Variants in ITSN1 observed in about 807,000 individuals in gnomAD.
The protein encoded by ITSN1 is intersectin 1.
Under a neutral mutation model 239.8 loss-of-function variants are expected in ITSN1, and 58 were observed. The ratio of observed to expected loss-of-function variants is 0.24; its 90% CI spans 0.20 to 0.30. ITSN1 has a LOEUF of 0.30. ITSN1 is among the 10% of genes least tolerant of loss of function. The pLI is 1.00. For missense variants in ITSN1, 1,558 were observed against 2,103.3 expected, an observed-to-expected ratio of 0.74 and a Z score of 5.07; for synonymous variants, 780 against 770.8, an observed-to-expected ratio of 1.01 and a Z score of -0.20.
intron 22 of ITSN1, chr21:33,817,424 C>G: frequency 7.7e-7 from 1 of 1,304,420 alleles, no homozygotes; most frequent in Non-Finnish European, 1.0e-6. Context: ...TCAGATGCTG[C>G]CCCCTCTGTG....
At chr21:33,659,948 G>C (rs983975490) in intron 1 of ITSN1, among the ~76,000 whole-genome samples, 2 of 151,702 alleles carry the variant, frequency 1.3e-5, no homozygotes, top group African/African-American at 4.8e-5. Context: ...GGCTCAAGCA[G>C]CCCTCCCACC....
At chr21:33,763,196 T>G (rs1435547477) in intron 9 of ITSN1, among the ~76,000 whole-genome samples, 2 of 143,160 alleles carry the variant, frequency 1.4e-5, no homozygotes, top group Non-Finnish European at 3.0e-5. Flanking sequence ...GTTCTCTGCT[T>G]CTTTTCCCAA....
rs571583258 is a variant in ITSN1 at position 33,789,177 on chromosome 21, A to G, written c.1825-5164A>G. ...AAAGTTAATGTATTTTAAAACTCCA[A>G]AGGCCTTCTATAAATTTTGATACCG... On this transcript the variant is annotated intron_variant, in intron 16 of 39. Coordinates refer to ENST00000381318, the MANE Select transcript of ITSN1 (RefSeq NM_003024.3). Among the ~76,000 whole-genome samples the G allele has an allele frequency of 8.5e-5, 13 of 152,302 alleles. No individual in the cohort carries two copies. The East Asian group carries it at 2.5e-3, about 29-fold the overall frequency.
chr21:33,748,847 A>G (rs1327570880), intron 5 of ITSN1, among the ~76,000 whole-genome samples: 4 of 152,288 alleles, frequency 2.6e-5, no homozygotes, highest in African/African-American at 2.4e-5. Context: ...CTTGGGCAAC[A>G]GAGTGAGATC....
intron 25 of ITSN1, among the ~76,000 whole-genome samples, chr21:33,826,431 G>A (rs769074947): frequency 3.3e-5 from 5 of 152,164 alleles, no homozygotes; most frequent in Admixed American, 2.0e-4. Context: ...TACTTTTTAT[G>A]TGTGAAATAT....
At chr21:33,862,617 G>C (rs926796785) in intron 31 of ITSN1, among the ~76,000 whole-genome samples, 1 of 152,148 alleles carries the variant, frequency 6.6e-6, no homozygotes, top group South Asian at 2.1e-4. Context: ...GGGCAGCCGC[G>C]TCTGGGAAGA....
intron 1 of ITSN1, among the ~76,000 whole-genome samples, chr21:33,718,323 G>T (rs559090432): frequency 2.1e-4 from 32 of 152,146 alleles, no homozygotes; most frequent in Non-Finnish European, 4.1e-4. Flanking sequence ...TCAGCCCTCC[G>T]TATCCATGGG....
intron 34 of ITSN1, among the ~76,000 whole-genome samples, chr21:33,878,385 T>C (rs111264629): frequency 2.4e-3 from 363 of 152,342 alleles, no homozygotes; most frequent in African/African-American, 7.1e-3. Flanking sequence ...ACCTTTCCTT[T>C]GGTCTCATTC....
chr21:33,794,304 C>T (rs1213114141), intron 16 of ITSN1, 37 bp from the exon 17 acceptor site: 2 of 1,462,428 alleles, frequency 1.4e-6, no homozygotes, highest in Non-Finnish European at 1.9e-6. Context: ...ACCTGTCACT[C>T]ATGTCGCTAC....
chr21:33,861,680 C>A (rs13047166), intron 31 of ITSN1, among the ~76,000 whole-genome samples: 72,781 of 151,890 alleles, frequency 0.48, 20,162 homozygotes, highest in East Asian at 0.83. Flanking sequence ...GGTGCGGTGG[C>A]TCATGCCTGT....
At chr21:33,734,271 C>T (rs1413179220) in intron 4 of ITSN1, among the ~76,000 whole-genome samples, 1 of 152,090 alleles carries the variant, frequency 6.6e-6, no homozygotes, top group Admixed American at 6.6e-5. Context: ...TTGATCTTAG[C>T]CAAAAGGCCG....
intron 8 of ITSN1, among the ~76,000 whole-genome samples, chr21:33,759,680 C>G (rs2068157343): frequency 6.6e-6 from 1 of 152,104 alleles, no homozygotes; most frequent in South Asian, 2.1e-4. Context: ...TAGATGCTCC[C>G]AAAACACACA....
chr21:33,834,439 A>T lies in ITSN1; in HGVS notation c.3469+15A>T, dbSNP rs543932995. Reference sequence around the variant, plus strand: ...ATTAGCGGCAGGTAAGGAGTTTCGCATCTCTAACTGGAAGATGGTCTGCAT... The same window carrying T: ...ATTAGCGGCAGGTAAGGAGTTTCGCTTCTCTAACTGGAAGATGGTCTGCAT... On this transcript the variant is annotated intron_variant, in intron 28 of 39. Transcript: ENST00000381318. The T allele has an allele frequency of 1.3e-6, 2 of 1,538,738 alleles. No homozygotes were observed. Among genetic ancestry groups the T allele is most frequent in the Admixed American group, 1.7e-5 (1 of 57,566 alleles).
chr21:33,830,743 C>A (rs1359444902), intron 27 of ITSN1, among the ~76,000 whole-genome samples: 2 of 151,966 alleles, frequency 1.3e-5, no homozygotes. Flanking sequence ...ATTACTGTAC[C>A]AGTGTAAAAT....
intron 16 of ITSN1, 68 bp from the exon 17 acceptor site, chr21:33,794,273 A>G: frequency 1.7e-6 from 2 of 1,186,966 alleles, no homozygotes; most frequent in Non-Finnish European, 2.5e-6. Context: ...GAAATGTTGC[A>G]TGCTGATAAA....
At chr21:33,718,115 A>T (rs77296248) in intron 1 of ITSN1, among the ~76,000 whole-genome samples, 6,651 of 152,240 alleles carry the variant, frequency 0.044, 498 homozygotes, top group African/African-American at 0.15. Context: ...ATTTTCATTT[A>T]CCTGATCCAT....
chr21:33,882,324 A>G lies in ITSN1; in HGVS notation c.4423A>G (p.Asn1475Asp). ...TGGGAAGCTCTACAAGGCCAAGAGC[A>G]ACAAGGAGCTGTATGGCTTCCTTTT... ...HSGKLYKAKS[N>D]KELYGFLFND... The change falls in exon 35 of 40, where the codon AAC becomes GAC. Residue 1475 changes from asparagine to aspartate, a missense_variant. Around this residue, in one of 2 missense-constraint regions of ITSN1, gnomAD observed 576 missense variants for 893.3 expected, o/e 0.64. Transcript: ENST00000381318. This position sits in a 1 kb window ranked among gnomAD's most constrained non-coding sequence, Gnocchi z 4.5. The G allele has an allele frequency of 6.2e-7, 1 of 1,614,230 alleles. No individual in the cohort carries two copies.
intron 1 of ITSN1, among the ~76,000 whole-genome samples, chr21:33,689,583 G>A (rs985825621): frequency 1.3e-5 from 2 of 152,160 alleles, no homozygotes; most frequent in African/African-American, 4.8e-5. Flanking sequence ...GGCTAACATG[G>A]GAGGATTGCT....
At chr21:33,741,893 T>TAA (rs1165147412) in intron 5 of ITSN1, among the ~76,000 whole-genome samples, 1 of 18,846 alleles carries the variant, frequency 5.3e-5, no homozygotes, top group African/African-American at 2.2e-4. Context: ...AGATTCCGTC[T>TAA]CAAAAAAAAA....
Sources: gnomAD v4.1 joint callset for allele counts (sites outside exome capture counted in the v4.1 genomes callset) on GRCh38, gnomAD v4.1.1 for gene constraint, gnomAD v4.1.1 regional missense constraint, Gnocchi (gnomAD v3.1) non-coding constraint, MANE v1.5 for transcripts, NCBI Gene and HGNC (gene_info 2026-07-23, HGNC 2026-07-21) for gene names.